The following RUFY1 variants were observed in gnomAD, a reference collection of about 807,000 sequenced individuals.
RUFY1 encodes RUN and FYVE domain-containing protein 1.
Under a neutral mutation model 94.6 loss-of-function variants are expected in RUFY1, and 54 were observed. The observed-to-expected ratio is 0.57, with a 90% CI of 0.46 to 0.72. The LOEUF (loss-of-function observed/expected upper bound fraction) is 0.72, where lower values mean the gene tolerates loss of function less well. Among genes scored for constraint, RUFY1 ranks in the 30% least tolerant of loss-of-function variants. The pLI is 0.00. For synonymous variants in RUFY1, 396 were observed against 347.3 expected (o/e 1.14, Z -1.56); for missense variants, 883 against 883.9 (o/e 1.00, Z 0.01).
intron 17 of RUFY1, 44 bp from the exon 18 acceptor site, chr5:179,609,332 C>CT: frequency 6.3e-7 from 1 of 1,597,518 alleles, no homozygotes; most frequent in Non-Finnish European, 8.5e-7. Context: ...GTGCGGATGG[C>CT]TTTTCCCCGG....
At chr5:179,564,320 A>G (rs1762662200) in intron 3 of RUFY1, among the ~76,000 whole-genome samples, 2 of 150,906 alleles carry the variant, frequency 1.3e-5, no homozygotes, top group South Asian at 4.2e-4. Flanking sequence ...GGGTTTCACC[A>G]CATTGGCCAG....
At chr5:179,560,491 G>A (rs1433390529) in intron 2 of RUFY1, among the ~76,000 whole-genome samples, 2 of 151,946 alleles carry the variant, frequency 1.3e-5, no homozygotes, top group Admixed American at 6.6e-5. Context: ...AGGCCAAGGC[G>A]GGCGGATCAC....
Position 179,567,554 on chromosome 5 carries a change from T to G in RUFY1, c.696T>G (p.His232Gln), listed in dbSNP as rs761617424. The G allele has an allele frequency of 6.3e-7, 1 of 1,599,292 alleles. No homozygotes were observed. The highest frequency in any genetic ancestry group is 1.7e-5 in the Admixed American group (1 of 59,966). ...TGAAAGTGCTTATAGACAATAAACA[T>G]CTCTTAAGGTATTTCATCAACCATG... ...DYLKVLIDNK[H>Q]LLSEFYEPEA... The change falls in exon 4 of 18, where the codon CAT becomes CAG. Residue 232 changes from histidine to glutamine, a missense_variant. His to Gln is a conservative substitution (Grantham distance 24, BLOSUM62 0). Coordinates refer to ENST00000319449, the MANE Select transcript of RUFY1 (RefSeq NM_025158.5).
Position 179,561,224 on chromosome 5 carries a change from TAAATA to T in RUFY1, c.484+1029_484+1033del, listed in dbSNP as rs1449294229. Among the ~76,000 whole-genome samples the T allele has an allele frequency of 8.6e-4, 128 of 148,110 alleles. 2 individuals carry two copies. In the South Asian group the frequency reaches 0.024, roughly 27 times the overall value. On this transcript the variant is annotated intron_variant, in intron 2 of 17. Coordinates refer to ENST00000319449, the MANE Select transcript of RUFY1 (RefSeq NM_025158.5). ...AGATTCCATCTCAAAAATAAATAAA[TAAATA>T]AATTAATTAATTAATTAAAACAGAT...
At chr5:179,591,317 T>C (rs1765073548) in intron 9 of RUFY1, among the ~76,000 whole-genome samples, 1 of 152,052 alleles carries the variant, frequency 6.6e-6, no homozygotes, top group Non-Finnish European at 1.5e-5. Flanking sequence ...CCCAAGTAGC[T>C]GGGACTACAG....
Position 179,596,604 on chromosome 5 carries a change from G to C in RUFY1, c.1554G>C (p.Arg518=), listed in dbSNP as rs747164696. 3 of 1,613,382 alleles carry C rather than the reference G, an allele frequency of 1.9e-6. No homozygotes were observed. In the South Asian group the frequency reaches 3.3e-5, roughly 18 times the overall value. The change falls in exon 13 of 18, where the codon CGG becomes CGC. Residue 518 remains arginine (R), a synonymous_variant. Coordinates refer to ENST00000319449, the MANE Select transcript of RUFY1 (RefSeq NM_025158.5). ...GGGCGAGGCAGGGGGCTGAGGAGCG[G>C]AGCCACAAGCTGCAGCAGGAGCTGG... ...SERARQGAEE[R]SHKLQQELGG... is the part of the protein sequence containing the mutation.
chr5:179,605,907 G>A lies in RUFY1; in HGVS notation c.1888G>A (p.Val630Met). Residue 630 changes from valine to methionine, a missense_variant, in exon 16 of 18, where the codon GTG becomes ATG. Coordinates refer to ENST00000319449, the MANE Select transcript of RUFY1 (RefSeq NM_025158.5). ...SKLKMEDIKE[V>M]NQALKGHAWL... ...GCTGAAGATGGAAGATATAAAAGAA[G>A]TGAACCAGGCACTGAAGGTACTGCC... 1.2e-6 allele frequency: 2 copies of A among 1,609,422 alleles called. No individual in the cohort carries two copies. The highest frequency in any genetic ancestry group is 1.7e-6 in the Non-Finnish European group (2 of 1,177,706).
chr5:179,596,596 G>A lies in RUFY1; in HGVS notation c.1546G>A (p.Glu516Lys), dbSNP rs1172891335. Residue 516 changes from glutamate (E) to lysine (K), a missense_variant, in exon 13 of 18, where the codon GAG (glutamate) becomes AAG (lysine). By Grantham distance (56) the Glu-to-Lys change is moderately conservative. Coordinates refer to ENST00000319449, the MANE Select transcript of RUFY1 (RefSeq NM_025158.5). Reference protein sequence around the residue: ...QHSERARQGAEERSHKLQQEL... With the variant: ...QHSERARQGAKERSHKLQQEL... ...CTCGGAGCGGGCGAGGCAGGGGGCT[G>A]AGGAGCGGAGCCACAAGCTGCAGCA... The A allele has an allele frequency of 1.9e-6, 3 of 1,613,464 alleles. No homozygotes were observed. Among genetic ancestry groups the A allele is most frequent in the African/African-American group, 1.3e-5 (1 of 75,044 alleles).
At chr5:179,572,338 G>A (rs910621947) in intron 5 of RUFY1, 6 of 195,334 alleles carry the variant, frequency 3.1e-5, no homozygotes, top group Admixed American at 2.5e-4. Context: ...CAGCGACCAT[G>A]CCGAGGATTT....
intron 14 of RUFY1, 110 bp downstream of exon 14, chr5:179,598,931 TC>T: frequency 7.8e-7 from 1 of 1,280,760 alleles, no homozygotes. Context: ...GCCAGGCGGC[TC>T]CAGGGTGTGG....
At chr5:179,585,504 G>A (rs1174489850) in intron 7 of RUFY1, among the ~76,000 whole-genome samples, 1 of 152,122 alleles carries the variant, frequency 6.6e-6, no homozygotes, top group Admixed American at 6.6e-5. Context: ...GCTTGAACCC[G>A]GGAGGCAGAG....
intron 12 of RUFY1, 126 bp from the exon 13 acceptor site, chr5:179,596,436 C>T (rs879039670): frequency 2.5e-5 from 30 of 1,192,708 alleles, no homozygotes; most frequent in South Asian, 9.8e-5. Context: ...TGAATCTCCA[C>T]GTGTTAAAAC....
chr5:179,562,051 ACT>A (rs1762500841), intron 2 of RUFY1, among the ~76,000 whole-genome samples: 2 of 150,978 alleles, frequency 1.3e-5, no homozygotes, highest in South Asian at 4.2e-4. Flanking sequence ...TATCAGAGAA[ACT>A]CTGTTGCCAG....
At chr5:179,607,538 G>A in intron 16 of RUFY1, 44 bp from the exon 17 acceptor site, 2 of 1,563,338 alleles carry the variant, frequency 1.3e-6, no homozygotes, top group South Asian at 2.2e-5. Flanking sequence ...ACTCATCAGG[G>A]GCTTAGACAG....
At position 179,593,614 on chromosome 5, in the gene RUFY1, C is replaced by A; in HGVS notation, c.1382C>A (p.Ala461Glu). 6.2e-7 allele frequency: 1 copy of A among 1,614,046 alleles called. No homozygotes were observed. Among genetic ancestry groups the A allele is most frequent in the Non-Finnish European group, 8.5e-7 (1 of 1,179,958 alleles). ...ALRQQLEEVK[A>E]INLQMFHKAQ... The stretch of plus-strand genomic sequence containing the variant: ...CGCCAGCAGCTGGAAGAAGTCAAAG[C>A]GATTAATTTACAGATGTTTCACAAA... The change falls in exon 11 of 18, where the codon GCG becomes GAG. Residue 461 changes from alanine (A) to glutamate (E), a missense_variant. Ala to Glu is a moderately radical substitution (Grantham distance 107). Coordinates refer to ENST00000319449, the MANE Select transcript of RUFY1 (RefSeq NM_025158.5).
chr5:179,550,890 G>A lies in RUFY1; in HGVS notation c.310+11G>A, dbSNP rs1409004593. 5 of 1,143,008 alleles carry A rather than the reference G, an allele frequency of 4.4e-6. No homozygotes were observed. Among genetic ancestry groups the A allele is most frequent in the Non-Finnish European group, 5.4e-6 (5 of 933,434 alleles). 70.8% of individuals were successfully genotyped at this position (1,143,008 alleles called of 1,614,324 possible). On this transcript the variant is annotated intron_variant, in intron 1 of 17. Transcript: ENST00000319449. ...GCACGGCGCGCGCAGGTAGGCTCGGGCCGGGTCTGTCCCGCGGCGGACTCG... is the reference window on the plus strand; with the variant it reads ...GCACGGCGCGCGCAGGTAGGCTCGGACCGGGTCTGTCCCGCGGCGGACTCG...
intron 11 of RUFY1, 53 bp from the exon 12 acceptor site, chr5:179,594,813 A>G: frequency 1.0e-6 from 1 of 957,654 alleles, no homozygotes; most frequent in Non-Finnish European, 1.7e-6. Context: ...AATCCAGAGC[A>G]GGTGCAAGGA....
intron 8 of RUFY1, among the ~76,000 whole-genome samples, chr5:179,588,809 C>A (rs1764815110): frequency 1.3e-5 from 2 of 152,210 alleles, no homozygotes; most frequent in African/African-American, 4.8e-5. Context: ...CAGCTCACTG[C>A]AACCTCCGCC....
At chr5:179,582,559 A>G (rs569515365) in intron 7 of RUFY1, among the ~76,000 whole-genome samples, 1 of 152,086 alleles carries the variant, frequency 6.6e-6, no homozygotes, top group Non-Finnish European at 1.5e-5. Flanking sequence ...TTATCCTTTT[A>G]ACATGTAACC....
Sources: gnomAD v4.1 joint callset for allele counts (sites outside exome capture counted in the v4.1 genomes callset) on GRCh38, gnomAD v4.1.1 for gene constraint, MANE v1.5 for transcripts, NCBI Gene and HGNC (gene_info 2026-07-23, HGNC 2026-07-21) for gene names.